The following DDX46 variants were observed in gnomAD, a reference collection of about 807,000 sequenced individuals.
The protein encoded by DDX46 is probable ATP-dependent RNA helicase DDX46.
In DDX46, 30 loss-of-function variants were observed where a neutral mutation model predicts 134.9. The ratio of observed to expected loss-of-function variants is 0.22; its 90% confidence interval spans 0.17 to 0.30. The LOEUF (loss-of-function observed/expected upper bound fraction) is 0.30, where lower values mean the gene tolerates loss of function less well. DDX46 is among the 10% of genes least tolerant of loss of function. The pLI is 1.00. For synonymous variants in DDX46, 415 were observed against 404.1 expected, an observed-to-expected ratio of 1.03 and a Z score of -0.32; for missense variants, 622 against 1,248.7, an observed-to-expected ratio of 0.50 and a Z score of 7.56.
intron 10 of DDX46, among the ~76,000 whole-genome samples, chr5:134,785,192 G>A (rs1754294724): frequency 1.3e-5 from 2 of 152,146 alleles, no homozygotes; most frequent in African/African-American, 4.8e-5. Context: ...AAAACTGTTT[G>A]CATTCTTTTG....
chr5:134,775,686 G>A (rs960626981), intron 5 of DDX46, among the ~76,000 whole-genome samples: 11 of 152,050 alleles, frequency 7.2e-5, no homozygotes, highest in Admixed American at 4.6e-4. Flanking sequence ...TAGAGATGGG[G>A]TTTCACTATG....
chr5:134,805,404 A>G (rs1754955395), intron 15 of DDX46, among the ~76,000 whole-genome samples: 3 of 152,070 alleles, frequency 2.0e-5, no homozygotes, highest in South Asian at 4.2e-4. Flanking sequence ...CTGAGCTTGT[A>G]ATCCGCCCGC....
intron 7 of DDX46, among the ~76,000 whole-genome samples, chr5:134,781,707 A>C (rs1429222226): frequency 6.6e-6 from 1 of 152,212 alleles, no homozygotes; most frequent in Non-Finnish European, 1.5e-5. Context: ...TTCTAATTCA[A>C]GGTGTCATAC....
chr5:134,811,066 A>G (rs1378553172), intron 16 of DDX46, among the ~76,000 whole-genome samples, 155 bp from the exon 17 acceptor site: 3 of 152,224 alleles, frequency 2.0e-5, no homozygotes, highest in African/African-American at 7.2e-5. Flanking sequence ...TTGAACCATT[A>G]AGTAATTTAG....
At chr5:134,827,103 A>G (rs1205291783) in intron 22 of DDX46, 83 bp downstream of exon 22, 2 of 1,344,742 alleles carry the variant, frequency 1.5e-6, no homozygotes, top group Non-Finnish European at 2.1e-6. Context: ...TACTCAAATC[A>G]TAAACATATA....
intron 18 of DDX46, among the ~76,000 whole-genome samples, chr5:134,814,988 T>A (rs879296095): frequency 6.6e-6 from 1 of 152,146 alleles, no homozygotes; most frequent in Non-Finnish European, 1.5e-5. Context: ...GCTCATGGCC[T>A]GTAATCCCAA....
At chr5:134,810,484 C>G (rs1375240556) in intron 16 of DDX46, among the ~76,000 whole-genome samples, 1 of 151,554 alleles carries the variant, frequency 6.6e-6, no homozygotes, top group East Asian at 2.0e-4. Context: ...GGATCACAGG[C>G]ATGCCACCAC....
At chr5:134,770,282 C>T (rs1753720865) in intron 3 of DDX46, among the ~76,000 whole-genome samples, 1 of 150,072 alleles carries the variant, frequency 6.7e-6, no homozygotes, top group Admixed American at 6.7e-5. Flanking sequence ...GGGATCATAG[C>T]TGACTGCAGC....
chr5:134,760,030 A>G (rs1753329142), intron 1 of DDX46, among the ~76,000 whole-genome samples: 1 of 152,130 alleles, frequency 6.6e-6, no homozygotes, highest in Admixed American at 6.6e-5. Flanking sequence ...TGTCCAGACT[A>G]CTACATCTGT....
rs1167572030 is a variant in DDX46, at chr5:134,830,185, GAAA to G, written c.*1484_*1486del. 2.2e-5 allele frequency: 3 copies of G among 138,392 alleles called. No individual in the cohort carries two copies. Among genetic ancestry groups the G allele is most frequent in the Non-Finnish European group, 4.8e-5 (3 of 63,128 alleles). 8.6% of individuals were successfully genotyped at this position (138,392 alleles called of 1,614,324 possible). A position where few individuals can be genotyped will look rare whatever the true frequency, so the allele number is the denominator to read the frequency against. On this transcript the variant is annotated 3_prime_UTR_variant, in exon 23 of 23. Transcript: ENST00000452510. ...TCAAAAATAGAAAAAAAAAAAAAAA[GAAA>G]AAAAGAATGTAAAATTTTAAAAATA...
intron 18 of DDX46, among the ~76,000 whole-genome samples, chr5:134,814,069 A>G (rs923240943): frequency 3.9e-5 from 6 of 152,350 alleles, no homozygotes; most frequent in South Asian, 2.1e-4. Context: ...TTTAGTTGCC[A>G]TAGGTTAACC....
At chr5:134,815,259 C>A (rs1486279582) in intron 18 of DDX46, among the ~76,000 whole-genome samples, 1 of 152,088 alleles carries the variant, frequency 6.6e-6, no homozygotes, top group Non-Finnish European at 1.5e-5. Context: ...GTAAATTAAC[C>A]AATTAATTTT....
At chr5:134,788,969 T>G (rs1365848602) in intron 12 of DDX46, among the ~76,000 whole-genome samples, 1 of 152,208 alleles carries the variant, frequency 6.6e-6, no homozygotes, top group African/African-American at 2.4e-5. Flanking sequence ...CTTAATCCAG[T>G]TTTGGCCTGG....
intron 1 of DDX46, among the ~76,000 whole-genome samples, chr5:134,763,050 C>G (rs917288977): frequency 4.6e-5 from 7 of 151,458 alleles, no homozygotes; most frequent in African/African-American, 1.7e-4. Flanking sequence ...CAGAGCCAGA[C>G]TCTTTCTCAA....
At chr5:134,803,917 TC>T (rs1400703440) in intron 15 of DDX46, among the ~76,000 whole-genome samples, 20 of 138,220 alleles carry the variant, frequency 1.4e-4, no homozygotes, top group African/African-American at 5.2e-4. Context: ...TGATGATTCT[TC>T]TTTTTTTTTT....
chr5:134,807,210 C>CG (rs1354078836), intron 15 of DDX46, among the ~76,000 whole-genome samples: 2 of 139,126 alleles, frequency 1.4e-5, no homozygotes, highest in East Asian at 2.1e-4. Flanking sequence ...TTAGTAGAGA[C>CG]GGGGTTTCAC....
At chr5:134,770,172 C>T (rs1753716159) in intron 3 of DDX46, among the ~76,000 whole-genome samples, 1 of 149,544 alleles carries the variant, frequency 6.7e-6, no homozygotes, top group Non-Finnish European at 1.5e-5. Context: ...ACTGAGCTTA[C>T]AGGCATGAGC....
In DDX46 at chr5:134,796,047, A is replaced by G. The variant is rs756981569; in HGVS notation, c.1851A>G (p.Gln617=). 5.6e-6 allele frequency: 9 copies of G among 1,613,814 alleles called. No homozygotes were observed. The highest frequency in any genetic ancestry group is 1.3e-5 in the African/African-American group (1 of 74,932). Residue 617 remains glutamine, a synonymous_variant, in exon 15 of 23, where the codon CAA becomes CAG. Transcript: ENST00000452510. ...LKLLELLGHY[Q]ESGSVIIFVD... ...TACTTGAGCTTCTAGGCCATTATCA[A>G]GAGTCAGGATCTGTCATTATATTTG...
At chr5:134,827,938 T>TC (rs956341586) in intron 22 of DDX46, among the ~76,000 whole-genome samples, 1 of 152,252 alleles carries the variant, frequency 6.6e-6, no homozygotes, top group Non-Finnish European at 1.5e-5. Context: ...TAAATAGTTT[T>TC]CCAAAGAGGT....
Sources: allele counts gnomAD v4.1 joint callset (sites outside exome capture counted in the v4.1 genomes callset), GRCh38; gene constraint gnomAD v4.1.1; transcripts MANE v1.5; gene names NCBI Gene and HGNC (gene_info 2026-07-23, HGNC 2026-07-21).